TFIP11: variants seen among roughly 807,000 people sequenced by gnomAD.
The protein encoded by TFIP11 is tuftelin-interacting protein 11.
TFIP11 carries 86 observed loss-of-function variants against 96.8 expected under a neutral mutation model. The ratio of observed to expected loss-of-function variants is 0.89; its 90% CI spans 0.75 to 1.06. The LOEUF is 1.06. TFIP11 is among the 50% of genes least tolerant of loss of function. The pLI is 0.00. For synonymous variants in TFIP11, 405 were observed against 395.2 expected, an observed-to-expected ratio of 1.02 and a Z score of -0.29; for missense variants, 881 against 1,076.7, an observed-to-expected ratio of 0.82 and a Z score of 2.54.
At chr22:26,500,878 CTTTTTTTTT>C (rs397958538) in intron 8 of TFIP11, among the ~76,000 whole-genome samples, 1 of 102,060 alleles carries the variant, frequency 9.8e-6, no homozygotes, top group South Asian at 3.2e-4. Flanking sequence ...TAACGGAAAA[CTTTTTTTTT>C]TTTTTTTTTT....
intron 4 of TFIP11, among the ~76,000 whole-genome samples, chr22:26,509,593 C>A (rs1053717914): frequency 3.3e-5 from 5 of 152,176 alleles, no homozygotes; most frequent in African/African-American, 9.7e-5. Flanking sequence ...TGGTGGCTCA[C>A]GCCTGTAATC....
chr22:26,508,874 C>T (rs1243407110), intron 4 of TFIP11, among the ~76,000 whole-genome samples: 4 of 151,564 alleles, frequency 2.6e-5, no homozygotes, highest in South Asian at 2.1e-4. Flanking sequence ...GAAAAAGGCA[C>T]ACTCTCAATA....
intron 2 of TFIP11, chr22:26,511,567 C>T (rs1263621238): frequency 6.6e-6 from 1 of 152,188 alleles, no homozygotes; most frequent in Non-Finnish European, 1.5e-5. Context: ...AGCCTGAGTT[C>T]AAATTCAACT....
At chr22:26,499,777 G>T in intron 8 of TFIP11, 146 bp from the exon 9 acceptor site, 1 of 846,678 alleles carries the variant, frequency 1.2e-6, no homozygotes, top group Non-Finnish European at 1.8e-6. Flanking sequence ...TTGTAAAGTG[G>T]GAACCATACT....
At chr22:26,499,742 T>TTCTC (rs1922552361) in intron 8 of TFIP11, 111 bp from the exon 9 acceptor site, 3 of 1,145,600 alleles carry the variant, frequency 2.6e-6, no homozygotes, top group East Asian at 2.4e-5. Flanking sequence ...ACCACATTAT[T>TTCTC]CAACAGAGCT....
chr22:26,507,036 T>C lies in TFIP11; in HGVS notation c.210-108A>G, dbSNP rs1444073027. 8.3e-6 allele frequency: 11 copies of C among 1,321,004 alleles called. No individual in the cohort carries two copies. In the East Asian group the frequency reaches 2.4e-4, roughly 29 times the overall value. 81.8% of individuals were successfully genotyped at this position (1,321,004 alleles called of 1,614,324 possible). The stretch of plus-strand genomic sequence containing the variant: ...TGAAGACTCCTTAGAGTGAATCTCA[T>C]GGGAGGTTTTTTAAAAAAGTAACAC... On this transcript the variant is annotated intron_variant, in intron 4 of 14. Coordinates refer to ENST00000407690, the MANE Select transcript of TFIP11 (RefSeq NM_012143.4).
intron 6 of TFIP11, among the ~76,000 whole-genome samples, chr22:26,503,998 A>G (rs951178373): frequency 1.3e-5 from 2 of 152,146 alleles, no homozygotes; most frequent in Non-Finnish European, 2.9e-5. Flanking sequence ...ACCACAGAAC[A>G]GTCTGCTGAC....
chr22:26,498,796 C>A lies in TFIP11; in HGVS notation c.1436+73G>T, dbSNP rs373716943. On this transcript the variant is annotated intron_variant, in intron 10 of 14. Transcript: ENST00000407690. ...ATCAAGGCCAGCACTGCTGCCTTCC[C>A]CCACCTTCAGCAATCCTTCCCAACC... 24 of 1,233,592 alleles carry A rather than the reference C, an allele frequency of 1.9e-5. No individual in the cohort carries two copies. The East Asian group carries it at 4.0e-4, about 20-fold the overall frequency. 76.4% of individuals were successfully genotyped at this position (1,233,592 alleles called of 1,614,324 possible).
Position 26,492,360 on chromosome 22 carries a change from T to G in TFIP11, c.2167A>C (p.Met723Leu), listed in dbSNP as rs1188583600. 1 of 1,614,084 alleles carries G rather than the reference T, an allele frequency of 6.2e-7. No homozygotes were observed. Among genetic ancestry groups the G allele is most frequent in the South Asian group, 1.1e-5 (1 of 91,086 alleles). Residue 723 changes from methionine (M) to leucine (L), a missense_variant, in exon 15 of 15, where the codon ATG (methionine) becomes CTG (leucine). Met to Leu is a conservative substitution (Grantham distance 15). Transcript: ENST00000407690. ...RAVSSNVGAY[M>L]QPGARENIAY... Reference sequence around the variant, plus strand: ...ATGTTCTCCCGTGCTCCTGGCTGCATGTAGGCACCTAAGATACAGGAGGAC... The same window carrying G: ...ATGTTCTCCCGTGCTCCTGGCTGCAGGTAGGCACCTAAGATACAGGAGGAC...
chr22:26,499,643 T>C lies in TFIP11; in HGVS notation c.802-12A>G, dbSNP rs767595690. 17 of 1,596,794 alleles carry C rather than the reference T, an allele frequency of 1.1e-5. No individual in the cohort carries two copies. The highest frequency in any genetic ancestry group is 2.7e-5 in the African/African-American group (2 of 74,706). ...GTCATGTCTATGACCTTGGAAAACA[T>C]AGAGGGATGAAGGTTAACACCGCTG... On this transcript the variant is annotated splice_polypyrimidine_tract_variant and intron_variant, in intron 8 of 14. Transcript: ENST00000407690.
chr22:26,502,748 C>T (rs1190290018), intron 7 of TFIP11, among the ~76,000 whole-genome samples: 1 of 152,132 alleles, frequency 6.6e-6, no homozygotes, highest in African/African-American at 2.4e-5. Flanking sequence ...GAGGATCAGG[C>T]AATACTGAGC....
At chr22:26,492,427 C>CA (rs1308282797) in intron 14 of TFIP11, 59 bp from the exon 15 acceptor site, 1 of 1,529,454 alleles carries the variant, frequency 6.5e-7, no homozygotes, top group Non-Finnish European at 9.0e-7. Flanking sequence ...TGGAAGTTGA[C>CA]ACTGTGGCTT....
intron 14 of TFIP11, chr22:26,493,872 C>T (rs1921565362): frequency 2.3e-6 from 1 of 437,290 alleles, no homozygotes; most frequent in East Asian, 4.6e-5. Flanking sequence ...AGGGCGGGGC[C>T]TGGGGTTAGA....
At chr22:26,506,104 T>C in intron 6 of TFIP11, 199 bp downstream of exon 6, 2 of 511,628 alleles carry the variant, frequency 3.9e-6, no homozygotes, top group Non-Finnish European at 3.3e-6. Context: ...AACCCTTTCC[T>C]TGCTGTTGAA....
chr22:26,502,044 C>G lies in TFIP11; in HGVS notation c.657G>C (p.Gln219His). 6.2e-7 allele frequency: 1 copy of G among 1,614,032 alleles called. No individual in the cohort carries two copies. Among genetic ancestry groups the G allele is most frequent in the Non-Finnish European group, 8.5e-7 (1 of 1,179,994 alleles). The change falls in exon 8 of 15, where the codon CAG becomes CAC. Residue 219 changes from glutamine to histidine, a missense_variant. Coordinates refer to ENST00000407690, the MANE Select transcript of TFIP11 (RefSeq NM_012143.4). ...CTTTCCTCCACTGGCTCAGCTCCTT[C>G]TGAAACTCCTGAACCAGAAGAATAC... is the stretch of plus-strand genomic sequence containing the variant. ...DSEEEAEEEFQKELSQWRKDP... is the reference protein window; with the variant it reads ...DSEEEAEEEFHKELSQWRKDP...
In TFIP11 at chr22:26,499,560, A is replaced by G; in HGVS notation, c.873T>C (p.Val291=). ...ACTGTAGCGGCAGCCCATCATCGGG[A>G]ACGTTGTGCTTGTGGCTGATCTGAC... is the stretch of plus-strand genomic sequence containing the variant. ...SYSQISHKHN[V]PDDGLPLQSQ... is the part of the protein sequence containing the mutation. The change falls in exon 9 of 15, where the codon GTT becomes GTC. Residue 291 remains valine (V), a synonymous_variant. Transcript: ENST00000407690. The G allele has an allele frequency of 3.7e-6, 6 of 1,614,108 alleles. No homozygotes were observed. The highest frequency in any genetic ancestry group is 5.1e-6 in the Non-Finnish European group (6 of 1,180,038).
chr22:26,501,785 CAAAAA>C (rs371327421), intron 8 of TFIP11, 110 bp downstream of exon 8: 1,020 of 260,572 alleles, frequency 3.9e-3, no homozygotes, highest in African/African-American at 9.5e-3. Flanking sequence ...AGCAAGGTAC[CAAAAA>C]AAAAAAAAAA....
chr22:26,496,909 G>T lies in TFIP11; in HGVS notation c.1437-20C>A. 1 of 1,612,678 alleles carries T rather than the reference G, an allele frequency of 6.2e-7. No homozygotes were observed. Among genetic ancestry groups the T allele is most frequent in the South Asian group, 1.1e-5 (1 of 91,026 alleles). On this transcript the variant is annotated intron_variant, in intron 10 of 14. Coordinates refer to ENST00000407690, the MANE Select transcript of TFIP11 (RefSeq NM_012143.4). The stretch of plus-strand genomic sequence containing the variant: ...ATCAACCTATGGGAGAAAGGCAGAG[G>T]ACAGGCTGGTTAATTACACTGACTG...
In TFIP11 at chr22:26,492,372, A is replaced by G. The variant is rs1921324446; in HGVS notation, c.2159-4T>C. ...GCTCCTGGCTGCATGTAGGCACCTA[A>G]GATACAGGAGGACAGGGCGGTGAGG... On this transcript the variant is annotated splice_polypyrimidine_tract_variant and splice_region_variant and intron_variant, in intron 14 of 14. Transcript: ENST00000407690. The G allele has an allele frequency of 6.2e-7, 1 of 1,613,766 alleles. No individual in the cohort carries two copies. Among genetic ancestry groups the G allele is most frequent in the Admixed American group, 1.7e-5 (1 of 60,010 alleles).
Sources: gnomAD v4.1 joint callset for allele counts (sites outside exome capture counted in the v4.1 genomes callset) on GRCh38, gnomAD v4.1.1 for gene constraint, MANE v1.5 for transcripts, NCBI Gene and HGNC (gene_info 2026-07-23, HGNC 2026-07-21) for gene names.